Variants in ESR1 observed in about 807,000 individuals in gnomAD.
The protein encoded by ESR1 is estrogen receptor 1.
In ESR1, 12 loss-of-function variants were observed where a neutral mutation model predicts 52.7. The observed-to-expected ratio is 0.23, with a 90% CI of 0.15 to 0.37. The LOEUF (loss-of-function observed/expected upper bound fraction) is 0.37. ESR1 is among the 10% of genes least tolerant of loss of function. The pLI is 1.00. For missense variants in ESR1, 584 were observed against 779.7 expected, an observed-to-expected ratio of 0.75 and a Z score of 2.99; for synonymous variants, 305 against 316.8, an observed-to-expected ratio of 0.96 and a Z score of 0.39.
upstream of ESR1, among the ~76,000 whole-genome samples, chr6:151,686,229 A>T (rs531972570): frequency 4.1e-4 from 63 of 152,180 alleles, no homozygotes; most frequent in African/African-American, 1.4e-3. Context: ...GAAGAAAGAG[A>T]CTATTTTTAT....
chr6:151,713,261 T>G (rs1377270556), intron 2 of ESR1, among the ~76,000 whole-genome samples: 1 of 152,228 alleles, frequency 6.6e-6, no homozygotes, highest in African/African-American at 2.4e-5. Context: ...CGAGGATTTT[T>G]GCATCAATGT....
At chr6:151,834,755 G>A (rs75633212) in intron 1 of ESR1, among the ~76,000 whole-genome samples, 1,593 of 152,102 alleles carry the variant, frequency 0.01, 28 homozygotes, top group African/African-American at 0.037. Context: ...TAATAGGCTC[G>A]TTTAGAATGG....
Position 152,011,787 on chromosome 6 carries a change from T to C in ESR1, c.1228T>C (p.Leu410=). 4 of 1,612,988 alleles carry C rather than the reference T, an allele frequency of 2.5e-6. No homozygotes were observed. The highest frequency in any genetic ancestry group is 2.2e-5 in the East Asian group (1 of 44,812). ...GCTACTGTTTGCTCCTAACTTGCTC[T>C]TGGACAGGTAAGTGACCTGGCTGTA... ...GKLLFAPNLL[L]DRNQGKCVEG... The change falls in exon 5 of 8, where the codon TTG becomes CTG. Residue 410 remains leucine (L), a synonymous_variant. Coordinates refer to ENST00000206249, the MANE Select transcript of ESR1 (RefSeq NM_000125.4).
chr6:151,949,035 A>G (rs2036031843), intron 4 of ESR1, among the ~76,000 whole-genome samples: 1 of 152,210 alleles, frequency 6.6e-6, no homozygotes, highest in African/African-American at 2.4e-5. Context: ...CCCATAAACT[A>G]GAACTGCTCT....
intron 2 of ESR1, among the ~76,000 whole-genome samples, chr6:151,742,999 G>A (rs903336113): frequency 1.3e-5 from 2 of 152,150 alleles, no homozygotes; most frequent in African/African-American, 4.8e-5. Flanking sequence ...CATTTAGGAG[G>A]CTTATTAAAA....
At chr6:151,997,092 C>A (rs978462369) in intron 4 of ESR1, among the ~76,000 whole-genome samples, 17 of 150,006 alleles carry the variant, frequency 1.1e-4, no homozygotes, top group Admixed American at 6.6e-5. Flanking sequence ...AAAAAAAAAA[C>A]AAAGCAACAC....
Position 152,101,705 on chromosome 6 carries a change from A to C in ESR1, c.*2739A>C. ...ACTCTGAGGCAAGTTAAAATGTAAA[A>C]GATGTGATTTATCTGGGGGGCTCAG... On this transcript the variant is annotated 3_prime_UTR_variant, in exon 8 of 8. Coordinates refer to ENST00000206249, the MANE Select transcript of ESR1 (RefSeq NM_000125.4). The C allele has an allele frequency of 4.3e-6, 1 of 230,998 alleles. No homozygotes were observed. Among genetic ancestry groups the C allele is most frequent in the East Asian group, 6.2e-5 (1 of 16,236 alleles). 14.3% of individuals were successfully genotyped at this position (230,998 alleles called of 1,614,324 possible).
At chr6:152,104,885 G>C (rs779111733), downstream of ESR1, among the ~76,000 whole-genome samples, 1 of 152,140 alleles carries the variant, frequency 6.6e-6, no homozygotes, top group Non-Finnish European at 1.5e-5. Flanking sequence ...CTCTGGAGAG[G>C]CTCTTGAGAG....
intron 2 of ESR1, among the ~76,000 whole-genome samples, chr6:151,727,214 T>C (rs1418976676): frequency 1.3e-5 from 2 of 152,072 alleles, no homozygotes; most frequent in East Asian, 1.9e-4. Context: ...TTTTCTTTTT[T>C]TTTTTGAGAC....
intron 2 of ESR1, among the ~76,000 whole-genome samples, chr6:151,707,039 G>T (rs574718616): frequency 1.1e-4 from 16 of 152,280 alleles, no homozygotes; most frequent in African/African-American, 3.9e-4. Flanking sequence ...AGGTTAGTGA[G>T]CGTCTAGCAC....
intron 1 of ESR1, among the ~76,000 whole-genome samples, chr6:151,678,074 G>A (rs1778314097): frequency 6.6e-6 from 1 of 152,152 alleles, no homozygotes; most frequent in African/African-American, 2.4e-5. Flanking sequence ...GCACATGTAT[G>A]GTGTTGCGTG....
upstream of ESR1, among the ~76,000 whole-genome samples, chr6:151,686,913 C>G (rs572280286): frequency 1.1e-4 from 16 of 152,324 alleles, no homozygotes; most frequent in South Asian, 3.1e-3. Context: ...TAGCCAGACC[C>G]TGCAATGTGC....
At chr6:152,031,660 C>CA (rs1036582240) in intron 5 of ESR1, among the ~76,000 whole-genome samples, 87 of 151,896 alleles carry the variant, frequency 5.7e-4, no homozygotes, top group African/African-American at 1.7e-3. Flanking sequence ...GCTTACCAAT[C>CA]AAAAAAAAGT....
At chr6:151,886,432 CTTTA>C (rs1433303817) in intron 3 of ESR1, among the ~76,000 whole-genome samples, 1 of 151,954 alleles carries the variant, frequency 6.6e-6, no homozygotes, top group Non-Finnish European at 1.5e-5. Context: ...GTCAACTAGT[CTTTA>C]TTTATTTTAA....
intron 4 of ESR1, among the ~76,000 whole-genome samples, chr6:151,949,495 T>TGACATG (rs2036088543): frequency 6.6e-6 from 1 of 152,326 alleles, no homozygotes; most frequent in South Asian, 2.1e-4. Context: ...AAAGATAACA[T>TGACATG]GACATGGACA....
At chr6:152,006,054 G>A (rs1435467193) in intron 4 of ESR1, among the ~76,000 whole-genome samples, 1 of 151,952 alleles carries the variant, frequency 6.6e-6, no homozygotes, top group Non-Finnish European at 1.5e-5. Flanking sequence ...ATTATGGCAG[G>A]GCAAAACCAG....
At chr6:151,955,422 A>G (rs563946506) in intron 4 of ESR1, among the ~76,000 whole-genome samples, 14 of 152,352 alleles carry the variant, frequency 9.2e-5, no homozygotes, top group Non-Finnish European at 1.8e-4. Context: ...AAGAAAAGTT[A>G]TAATACTTTC....
intron 3 of ESR1, among the ~76,000 whole-genome samples, chr6:151,924,835 G>T (rs2032387077): frequency 1.3e-5 from 2 of 150,868 alleles, no homozygotes; most frequent in South Asian, 4.2e-4. Flanking sequence ...GTACTACATT[G>T]TTTTTTTTTA....
chr6:151,709,428 A>T (rs1366289669), intron 2 of ESR1, among the ~76,000 whole-genome samples: 1 of 152,200 alleles, frequency 6.6e-6, no homozygotes, highest in African/African-American at 2.4e-5. Context: ...ATTATGAATA[A>T]TGCTGTAATA....
Sources: allele counts gnomAD v4.1 joint callset (sites outside exome capture counted in the v4.1 genomes callset), GRCh38; gene constraint gnomAD v4.1.1; transcripts MANE v1.5; gene names NCBI Gene and HGNC (gene_info 2026-07-23, HGNC 2026-07-21).